The following TENT5D variants were observed in gnomAD, a reference collection of about 807,000 sequenced individuals.
TENT5D encodes cancer/testis antigen 112.
For synonymous variants in TENT5D, 103 were observed against 100.6 expected, an observed-to-expected ratio of 1.02 and a Z score of -0.15; for missense variants, 191 against 287.0, an observed-to-expected ratio of 0.67 and a Z score of 2.42.
chrX:80,353,822 G>T (rs1000838244), intron 3 of TENT5D, among the ~76,000 whole-genome samples: 1 of 112,376 alleles, frequency 8.9e-6, no homozygotes, highest in African/African-American at 3.2e-5. Flanking sequence ...TTGAATGGTA[G>T]ATCTGCTTTA....
chrX:80,395,905 G>A (rs1381601966), intron 3 of TENT5D, among the ~76,000 whole-genome samples: 5 of 105,275 alleles, frequency 4.7e-5, no homozygotes, highest in Non-Finnish European at 1.9e-5. Context: ...TTGCTTCTGT[G>A]AGATGAACTT....
chrX:80,432,858 G>C (rs1487931794), intron 1 of TENT5D, among the ~76,000 whole-genome samples: 1 of 110,903 alleles, frequency 9.0e-6, no homozygotes, highest in East Asian at 2.9e-4. Context: ...TTATGGACTG[G>C]GAAGGGAAGG....
At chrX:80,356,579 G>A (rs1277826331) in intron 3 of TENT5D, among the ~76,000 whole-genome samples, 1 of 111,027 alleles carries the variant, frequency 9.0e-6, no homozygotes, top group Admixed American at 9.6e-5. Flanking sequence ...CACCCTTCTT[G>A]TTAGATTACT....
intron 3 of TENT5D, among the ~76,000 whole-genome samples, chrX:80,364,126 C>T (rs752336172): frequency 8.9e-6 from 1 of 112,029 alleles, no homozygotes; most frequent in East Asian, 2.8e-4. Flanking sequence ...ACAAATTACT[C>T]CCAAATTTAG....
chrX:80,355,951 C>G (rs1930275748), intron 3 of TENT5D, among the ~76,000 whole-genome samples: 1 of 111,932 alleles, frequency 8.9e-6, no homozygotes, highest in Non-Finnish European at 1.9e-5. Context: ...CTCCCAGTAC[C>G]TGCAGTTCAT....
intron 3 of TENT5D, among the ~76,000 whole-genome samples, chrX:80,357,425 T>C (rs1254756077): frequency 1.8e-5 from 2 of 108,682 alleles, no homozygotes; most frequent in Non-Finnish European, 3.8e-5. Context: ...CAGCACCTGT[T>C]GTTTCCTGAC....
At chrX:80,354,195 G>A (rs1456458645) in intron 3 of TENT5D, among the ~76,000 whole-genome samples, 3 of 111,224 alleles carry the variant, frequency 2.7e-5, no homozygotes, top group Non-Finnish European at 3.8e-5. Flanking sequence ...GGGGACAGTC[G>A]TCTTGTATGG....
chrX:80,440,082 A>G (rs958317171), intron 2 of TENT5D, among the ~76,000 whole-genome samples: 2 of 111,793 alleles, frequency 1.8e-5, no homozygotes, highest in African/African-American at 6.5e-5. Context: ...GTTTCTCCAC[A>G]TCCTGGCAAG....
intron 3 of TENT5D, among the ~76,000 whole-genome samples, chrX:80,379,487 C>G (rs1456014435): frequency 1.8e-5 from 2 of 110,940 alleles, no homozygotes; most frequent in Non-Finnish European, 3.8e-5. Context: ...AGGATTCCCT[C>G]TTTTTCCCTC....
At chrX:80,351,696 G>A (rs1930182050) in intron 3 of TENT5D, among the ~76,000 whole-genome samples, 1 of 110,194 alleles carries the variant, frequency 9.1e-6, no homozygotes, top group African/African-American at 3.3e-5. Context: ...CCTTGCTGGA[G>A]AGGAGTTATG....
At chrX:80,408,777 C>T (rs1254330578) in intron 3 of TENT5D, among the ~76,000 whole-genome samples, 6 of 111,092 alleles carry the variant, frequency 5.4e-5, no homozygotes, top group African/African-American at 1.3e-4. Flanking sequence ...ATACCAAAGC[C>T]GGGCAGAGAC....
chrX:80,394,138 T>A (rs904700242), intron 3 of TENT5D, among the ~76,000 whole-genome samples: 1 of 111,558 alleles, frequency 9.0e-6, no homozygotes, highest in Admixed American at 9.5e-5. Flanking sequence ...CAATACTGTT[T>A]TCCATAATGG....
intron 3 of TENT5D, among the ~76,000 whole-genome samples, chrX:80,406,157 G>T: frequency 8.9e-6 from 1 of 111,859 alleles, no homozygotes; most frequent in East Asian, 2.8e-4. Context: ...GGAGAAAAAA[G>T]AACAGAAAAA....
intron 3 of TENT5D, among the ~76,000 whole-genome samples, chrX:80,372,199 G>A (rs755616670): frequency 8.1e-5 from 9 of 111,337 alleles, no homozygotes; most frequent in African/African-American, 2.0e-4. Context: ...TAAGGAGATG[G>A]TTTAAGGGTG....
At chrX:80,390,077 A>G (rs1487082298) in intron 3 of TENT5D, among the ~76,000 whole-genome samples, 1 of 111,593 alleles carries the variant, frequency 9.0e-6, no homozygotes, top group Non-Finnish European at 1.9e-5. Context: ...AAATTCATTC[A>G]TAGTTAACAA....
At chrX:80,364,161 C>T (rs1930461365) in intron 3 of TENT5D, among the ~76,000 whole-genome samples, 1 of 111,706 alleles carries the variant, frequency 9.0e-6, no homozygotes, top group African/African-American at 3.2e-5. Flanking sequence ...GAACTCTAGC[C>T]TCAAAAACCC....
intron 3 of TENT5D, among the ~76,000 whole-genome samples, chrX:80,388,379 G>A (rs775422128): frequency 2.7e-5 from 3 of 111,932 alleles, no homozygotes; most frequent in East Asian, 2.8e-4. Context: ...AGAATCTCAC[G>A]CAAGGCCCAT....
At chrX:80,409,254 T>C (rs1369916987) in intron 3 of TENT5D, among the ~76,000 whole-genome samples, 1 of 110,723 alleles carries the variant, frequency 9.0e-6, no homozygotes, top group African/African-American at 3.3e-5. Flanking sequence ...GCCAGGGCAA[T>C]TAGGCAGGAG....
chrX:80,357,996 T>G (rs1368215791), intron 3 of TENT5D, among the ~76,000 whole-genome samples: 1 of 111,222 alleles, frequency 9.0e-6, no homozygotes, highest in African/African-American at 3.3e-5. Flanking sequence ...AACAGAGCCC[T>G]CAGAAATAAT....
Sources: gnomAD v4.1 joint callset for allele counts (sites outside exome capture counted in the v4.1 genomes callset) on GRCh38, gnomAD v4.1.1 for gene constraint, MANE v1.5 for transcripts, NCBI Gene and HGNC (gene_info 2026-07-23, HGNC 2026-07-21) for gene names.